NAF1: variants seen among roughly 807,000 people sequenced by gnomAD.
The protein encoded by NAF1 is nuclear assembly factor 1 ribonucleoprotein.
Under a neutral mutation model 40.6 loss-of-function variants are expected in NAF1, and 11 were observed. The ratio of observed to expected loss-of-function variants is 0.27; its 90% CI spans 0.17 to 0.45. The LOEUF (loss-of-function observed/expected upper bound fraction) is 0.45. Ranked by LOEUF, NAF1 falls within the 20% of genes least tolerant of loss-of-function variation. NAF1 has a pLI of 1.00. For synonymous variants in NAF1, 260 were observed against 228.5 expected (o/e 1.14, Z -1.24); for missense variants, 607 against 611.1 (o/e 0.99, Z 0.07).
intron 2 of NAF1, among the ~76,000 whole-genome samples, chr4:163,150,450 T>C (rs899622561): frequency 6.8e-6 from 1 of 148,066 alleles, no homozygotes; most frequent in African/African-American, 2.4e-5. Flanking sequence ...CTTCAAAATA[T>C]TTTTTACTTA....
chr4:163,128,833 G>GAA lies in NAF1; in HGVS notation c.*62_*63dup. 15 of 1,152,302 alleles carry GAA rather than the reference G, an allele frequency of 1.3e-5. No individual in the cohort carries two copies. The highest frequency in any genetic ancestry group is 7.7e-5 in the South Asian group (4 of 51,744). The allele number at this position is 1,152,302 out of a possible 1,614,324, so 71.4% of individuals were successfully genotyped here. ...AAAATCTAGCTCCATAATCACTCTT[G>GAA]AAAAAAAAAAATCCTTACCACATAA... is the stretch of plus-strand genomic sequence containing the variant. On this transcript the variant is annotated 3_prime_UTR_variant, in exon 8 of 8. Transcript: ENST00000274054.
chr4:163,148,912 T>G (rs1315227078), intron 2 of NAF1, among the ~76,000 whole-genome samples: 2 of 152,104 alleles, frequency 1.3e-5, no homozygotes. Context: ...TGCGACTGTG[T>G]CAAGAAGAGT....
downstream of NAF1, chr4:163,126,952 T>A: frequency 6.5e-7 from 1 of 1,542,236 alleles, no homozygotes; most frequent in South Asian, 1.2e-5. Flanking sequence ...AATTGAGATA[T>A]GCACATTGGT....
At chr4:163,128,377 T>G (rs990579123), downstream of NAF1, among the ~76,000 whole-genome samples, 1 of 152,128 alleles carries the variant, frequency 6.6e-6, no homozygotes, top group African/African-American at 2.4e-5. Flanking sequence ...TCTACCAATA[T>G]ATAAGAATTT....
At chr4:163,157,761 G>C (rs1429405644) in intron 2 of NAF1, among the ~76,000 whole-genome samples, 1 of 151,960 alleles carries the variant, frequency 6.6e-6, no homozygotes, top group African/African-American at 2.4e-5. Context: ...ATTCAGTTAA[G>C]CAAAATATTC....
At chr4:163,143,757 T>C (rs913810752) in intron 4 of NAF1, among the ~76,000 whole-genome samples, 4 of 152,196 alleles carry the variant, frequency 2.6e-5, no homozygotes, top group Non-Finnish European at 4.4e-5. Flanking sequence ...AATGTCTCTC[T>C]AGGTGAGCCA....
chr4:163,141,657 A>T (rs10857351), intron 4 of NAF1, among the ~76,000 whole-genome samples: 118,450 of 152,138 alleles, frequency 0.78, 46,153 homozygotes, highest in South Asian at 0.84. Context: ...TATATAAATC[A>T]CTATACTTCA....
chr4:163,149,293 G>A (rs1274200483), intron 2 of NAF1, among the ~76,000 whole-genome samples: 1 of 152,120 alleles, frequency 6.6e-6, no homozygotes, highest in Non-Finnish European at 1.5e-5. Context: ...CCCTACCAAT[G>A]GCATTTTAGC....
intron 4 of NAF1, among the ~76,000 whole-genome samples, chr4:163,143,251 T>C (rs1474726494): frequency 6.6e-6 from 1 of 152,104 alleles, no homozygotes; most frequent in Non-Finnish European, 1.5e-5. Context: ...TGCTACAAGA[T>C]CTCCAAGGAT....
Position 163,129,189 on chromosome 4 carries a change from GAGTTAT to G in NAF1, c.1187_1192del (p.Tyr396_Asn397del), listed in dbSNP as rs756310439. The G allele has an allele frequency of 1.2e-6, 2 of 1,613,892 alleles. No individual in the cohort carries two copies. The highest frequency in any genetic ancestry group is 3.3e-5 in the Admixed American group (2 of 60,018). ...AGTCTCCTGAGATACCATATGTTCT[GAGTTAT>G]AGAAATGCTGAGGTGGAGGCCTGCC... On this transcript the variant is annotated inframe_deletion, in exon 8 of 8. Coordinates refer to ENST00000274054, the MANE Select transcript of NAF1 (RefSeq NM_138386.3).
intron 2 of NAF1, among the ~76,000 whole-genome samples, chr4:163,155,104 G>C (rs745892386): frequency 1.3e-5 from 2 of 152,130 alleles, no homozygotes; most frequent in Non-Finnish European, 2.9e-5. Flanking sequence ...TTTTTGTTTT[G>C]ATGTATGAAT....
intron 1 of NAF1, among the ~76,000 whole-genome samples, chr4:163,165,344 T>G (rs889957671): frequency 6.6e-6 from 1 of 152,214 alleles, no homozygotes; most frequent in African/African-American, 2.4e-5. Context: ...AGAAGTAGTA[T>G]CCTGACACTA....
At chr4:163,165,711 A>C (rs762038507) in intron 1 of NAF1, among the ~76,000 whole-genome samples, 6 of 152,214 alleles carry the variant, frequency 3.9e-5, no homozygotes, top group Non-Finnish European at 8.8e-5. Context: ...AGTGTGGTTT[A>C]GTAACATCCC....
intron 7 of NAF1, among the ~76,000 whole-genome samples, chr4:163,130,388 TATAAA>T (rs1403439051): frequency 2.0e-5 from 3 of 152,092 alleles, no homozygotes; most frequent in Non-Finnish European, 4.4e-5. Flanking sequence ...AAAAAGAAGA[TATAAA>T]ATAAAGAACA....
intron 2 of NAF1, among the ~76,000 whole-genome samples, chr4:163,118,050 G>C (rs1730404485): frequency 6.6e-6 from 1 of 152,036 alleles, no homozygotes; most frequent in Admixed American, 6.6e-5. Context: ...AGCCATTTTT[G>C]ATGAACAACT....
chr4:163,129,485 T>A (rs776753862), intron 7 of NAF1, 137 bp from the exon 8 acceptor site: 4 of 965,818 alleles, frequency 4.1e-6, no homozygotes, highest in Non-Finnish European at 5.9e-6. Context: ...CATAAAATGG[T>A]AAATTTGAAA....
At chr4:163,153,202 C>T (rs1243731655) in intron 2 of NAF1, among the ~76,000 whole-genome samples, 1 of 152,230 alleles carries the variant, frequency 6.6e-6, no homozygotes, top group Non-Finnish European at 1.5e-5. Context: ...CGCCGAGTCC[C>T]ATCGACCACC....
Position 163,129,027 on chromosome 4 carries a change from G to A in NAF1, c.1355C>T (p.Ala452Val), listed in dbSNP as rs1401157944. 2.5e-6 allele frequency: 3 copies of A among 1,209,654 alleles called. No individual in the cohort carries two copies. The South Asian group carries it at 3.8e-5, about 15-fold the overall frequency. The allele number at this position is 1,209,654 out of a possible 1,614,324, so 74.9% of individuals were successfully genotyped here. ...TGGATGAGCAGCCATGTTTGGTGTA[G>A]CCCAACCCATGTTTACAGGTGGGGG... ...PPPPPVNMGW[A>V]TPNMAAHPLL... The change falls in exon 8 of 8, where the codon GCT becomes GTT. Residue 452 changes from alanine to valine, a missense_variant. Physicochemically the swap from Ala to Val is moderately conservative, Grantham distance 64 (BLOSUM62 0). Around this residue, in one of 3 missense-constraint regions of NAF1, gnomAD observed 189 missense variants for 216.6 expected, o/e 0.87. Transcript: ENST00000274054.
At chr4:163,110,287 T>C (rs1730119674) in exon 3 of NAF1, 2 of 701,296 alleles carry the variant, frequency 2.9e-6, no homozygotes, top group Non-Finnish European at 5.2e-6. Context: ...CAGTCAACCA[T>C]GGTCTGAAAA....
Sources: allele counts gnomAD v4.1 joint callset (sites outside exome capture counted in the v4.1 genomes callset), GRCh38; gene constraint gnomAD v4.1.1; regional missense constraint gnomAD v4.1.1; transcripts MANE v1.5; gene names NCBI Gene and HGNC (gene_info 2026-07-23, HGNC 2026-07-21).